PHF8: variants seen among roughly 807,000 people sequenced by gnomAD.
PHF8 encodes histone lysine demethylase PHF8.
PHF8 carries 9 observed loss-of-function variants against 74.4 expected under a neutral mutation model. That is an observed-to-expected ratio of 0.12 (90% confidence interval 0.07 to 0.21). The LOEUF (loss-of-function observed/expected upper bound fraction) is 0.21, where lower values mean the gene tolerates loss of function less well. Ranked by LOEUF, PHF8 falls within the 10% of genes least tolerant of loss-of-function variation. The pLI, the probability that PHF8 is intolerant of heterozygous loss-of-function variation, is 1.00. For missense variants in PHF8, 478 were observed against 816.6 expected (o/e 0.59, Z 5.05); for synonymous variants, 311 against 316.6 (o/e 0.98, Z 0.19).
intron 18 of PHF8, among the ~76,000 whole-genome samples, chrX:53,968,430 TAAG>T (rs1279819393): frequency 8.9e-6 from 1 of 111,813 alleles, no homozygotes; most frequent in African/African-American, 3.3e-5. Context: ...GAAGCAGTAA[TAAG>T]AAGTCTCCCA....
At chrX:54,046,627 G>T (rs1426913483), upstream of PHF8, among the ~76,000 whole-genome samples, 1 of 109,635 alleles carries the variant, frequency 9.1e-6, no homozygotes, top group Non-Finnish European at 1.9e-5. Flanking sequence ...AGGTTCAAAG[G>T]TAGGCAGTAA....
At chrX:53,977,271 G>GTT (rs1313425323) in intron 18 of PHF8, among the ~76,000 whole-genome samples, 1 of 112,208 alleles carries the variant, frequency 8.9e-6, no homozygotes, top group African/African-American at 3.2e-5. Flanking sequence ...GGAGGCAGAG[G>GTT]TTGCAGTGAG....
chrX:54,011,791 G>A (rs1373402243), intron 7 of PHF8, among the ~76,000 whole-genome samples: 1 of 103,701 alleles, frequency 9.6e-6, no homozygotes, highest in Non-Finnish European at 1.9e-5. Flanking sequence ...TATGTTATGT[G>A]ATTATCTTTT....
At chrX:53,951,816 T>C (rs782120999) in intron 19 of PHF8, among the ~76,000 whole-genome samples, 2 of 111,436 alleles carry the variant, frequency 1.8e-5, no homozygotes, top group African/African-American at 6.5e-5. Context: ...GATTTCTTTA[T>C]CATCAGAACC....
chrX:53,938,997 A>G lies in PHF8; in HGVS notation c.*161T>C, dbSNP rs1339023248. The stretch of plus-strand genomic sequence containing the variant: ...AGTGAAAGTGGGGAAGGGAACTAGA[A>G]GGAGTCGGTGGAGGGGTCCGTGCCT... On this transcript the variant is annotated 3_prime_UTR_variant, in exon 22 of 22. Transcript: ENST00000338154. The G allele has an allele frequency of 9.6e-7, 1 of 1,037,528 alleles. No individual in the cohort carries two copies. The highest frequency in any genetic ancestry group is 3.5e-5 in the East Asian group (1 of 28,253). The allele number at this position is 1,037,528 out of a possible 1,213,427, so 85.5% of individuals were successfully genotyped here. A position where few individuals can be genotyped will look rare whatever the true frequency, so the allele number is the denominator to read the frequency against.
chrX:54,011,617 A>C (rs2065982771), intron 7 of PHF8, among the ~76,000 whole-genome samples: 1 of 111,852 alleles, frequency 8.9e-6, no homozygotes, highest in South Asian at 3.7e-4. Context: ...AGATGAGTAG[A>C]TCAATACTAG....
At chrX:53,964,687 G>A (rs921950850) in intron 18 of PHF8, among the ~76,000 whole-genome samples, 23 of 110,132 alleles carry the variant, frequency 2.1e-4, no homozygotes, top group East Asian at 2.9e-4. Context: ...CCAACATAAC[G>A]AAACTCTGTC....
At chrX:53,998,750 A>G (rs1423852565) in intron 11 of PHF8, among the ~76,000 whole-genome samples, 2 of 110,239 alleles carry the variant, frequency 1.8e-5, no homozygotes, top group Non-Finnish European at 3.8e-5. Context: ...GAGCTTTCTT[A>G]TTTTTTTTTA....
In PHF8 at chrX:53,939,326, C is replaced by T. The variant is rs2064714198; in HGVS notation, c.2987-80G>A. 3.9e-6 allele frequency: 3 copies of T among 765,376 alleles called. No homozygotes were observed. The Admixed American group carries it at 7.4e-5, about 19-fold the overall frequency. The allele number at this position is 765,376 out of a possible 1,213,427, so 63.1% of individuals were successfully genotyped here. On this transcript the variant is annotated intron_variant, in intron 21 of 21. Coordinates refer to ENST00000338154, the MANE Select transcript of PHF8 (RefSeq NM_015107.3). Reference sequence around the variant, plus strand: ...TCTGGCACCAACTGCCCTCAGGCCACCTCCCCTTCCTGTTTCTCTACCCAC... The same window carrying T: ...TCTGGCACCAACTGCCCTCAGGCCATCTCCCCTTCCTGTTTCTCTACCCAC...
rs917615651 is a variant in PHF8 at position 53,940,286 on chromosome X, G to C, written c.2880C>G (p.Ala960=). 2.5e-6 allele frequency: 3 copies of C among 1,205,896 alleles called. No homozygotes were observed. In the East Asian group the frequency reaches 8.9e-5, roughly 36 times the overall value. The change falls in exon 21 of 22, where the codon GCC becomes GCG. Residue 960 remains alanine (A), a synonymous_variant. Coordinates refer to ENST00000338154, the MANE Select transcript of PHF8 (RefSeq NM_015107.3). ...ADHEYTARPN[A]FGMAQANRST... Reference sequence around the variant, plus strand: ...TGCGGTTTGCCTGGGCCATGCCAAAGGCATTGGGACGAGCGGTGTACTCAT... The same window carrying C: ...TGCGGTTTGCCTGGGCCATGCCAAACGCATTGGGACGAGCGGTGTACTCAT...
intron 18 of PHF8, among the ~76,000 whole-genome samples, chrX:53,973,176 T>C (rs781908356): frequency 1.8e-5 from 2 of 112,113 alleles, no homozygotes; most frequent in East Asian, 2.8e-4. Flanking sequence ...AAATATTCCA[T>C]GCTCCTGGAC....
chrX:54,034,755 C>T (rs1213134829), intron 2 of PHF8, among the ~76,000 whole-genome samples: 2 of 97,406 alleles, frequency 2.1e-5, no homozygotes, highest in East Asian at 3.6e-4. Context: ...CCTGGAGGGG[C>T]GGAGGTTGCA....
chrX:53,944,354 A>C, intron 19 of PHF8, 111 bp from the exon 20 acceptor site: 1 of 552,710 alleles, frequency 1.8e-6, no homozygotes, highest in Non-Finnish European at 3.0e-6. Flanking sequence ...TCCTGCTTCT[A>C]GCTTTTTATG....
chrX:53,959,964 GGAGGCATCTACCAGGAAACGAAAACTAT>G (rs2065075906), intron 19 of PHF8, among the ~76,000 whole-genome samples: 1 of 109,570 alleles, frequency 9.1e-6, no homozygotes, highest in Non-Finnish European at 1.9e-5. Context: ...CTTGAGTTTT[GGAGGCATCTACCAGGAAACGAAAACTAT>G]GAGGTTGTCT....
At chrX:54,022,198 G>T in intron 4 of PHF8, 61 bp downstream of exon 4, 1 of 659,225 alleles carries the variant, frequency 1.5e-6, no homozygotes, top group Non-Finnish European at 2.6e-6. Flanking sequence ...GCTGGGAAGA[G>T]GTGAGTTCCA....
At chrX:54,016,219 T>G (rs1469126162) in intron 6 of PHF8, among the ~76,000 whole-genome samples, 1 of 110,920 alleles carries the variant, frequency 9.0e-6, no homozygotes, top group Non-Finnish European at 1.9e-5. Context: ...CGAGGCAAGG[T>G]GCGGTGGCTC....
chrX:53,978,505 G>C lies in PHF8; in HGVS notation c.2443+6409C>G, dbSNP rs898924727. Among the ~76,000 whole-genome samples the C allele has an allele frequency of 3.6e-5, 4 of 111,273 alleles. No homozygotes were observed. In the Admixed American group the frequency reaches 3.8e-4, roughly 11 times the overall value. On this transcript the variant is annotated intron_variant, in intron 18 of 21. Coordinates refer to ENST00000338154, the MANE Select transcript of PHF8 (RefSeq NM_015107.3). ...TGCAACAACATGAATGAATATTAAA[G>C]CCATTATGGTGGGCCGGGTGCAGTG...
intron 18 of PHF8, among the ~76,000 whole-genome samples, chrX:53,984,236 C>A (rs972435369): frequency 1.8e-5 from 2 of 111,152 alleles, no homozygotes; most frequent in Non-Finnish European, 1.9e-5. Context: ...CGTGATAGTA[C>A]ACGCCTGTAA....
chrX:53,995,141 T>C (rs185697099), intron 12 of PHF8: 1 of 340,781 alleles, frequency 2.9e-6, no homozygotes, highest in Non-Finnish European at 5.9e-6. Context: ...CACTATACCT[T>C]ACTGCCTCGT....
Sources: allele counts gnomAD v4.1 joint callset (sites outside exome capture counted in the v4.1 genomes callset), GRCh38; gene constraint gnomAD v4.1.1; transcripts MANE v1.5; gene names NCBI Gene and HGNC (gene_info 2026-07-23, HGNC 2026-07-21).